The following SLC24A3 variants were observed in gnomAD, a reference collection of about 807,000 sequenced individuals.
SLC24A3 encodes the protein solute carrier family 24 member 3.
SLC24A3 carries 28 observed loss-of-function variants against 75.8 expected under a neutral mutation model. That is an observed-to-expected ratio of 0.37 (90% CI 0.27 to 0.51). The LOEUF (loss-of-function observed/expected upper bound fraction) is 0.51. Ranked by LOEUF, SLC24A3 falls within the 20% of genes least tolerant of loss-of-function variation. The pLI, the probability that SLC24A3 is intolerant of heterozygous loss-of-function variation, is 0.94. For synonymous variants in SLC24A3, 372 were observed against 334.1 expected (o/e 1.11, Z -1.24); for missense variants, 663 against 847.8 (o/e 0.78, Z 2.71).
At chr20:19,706,719 G>A (rs1254968423) in intron 15 of SLC24A3, among the ~76,000 whole-genome samples, 2 of 150,074 alleles carry the variant, frequency 1.3e-5, no homozygotes, top group Non-Finnish European at 3.0e-5. Flanking sequence ...GAGAAGGAGA[G>A]GTACGGTCAT....
intron 2 of SLC24A3, among the ~76,000 whole-genome samples, chr20:19,460,141 G>A (rs541993064): frequency 6.6e-6 from 1 of 152,308 alleles, no homozygotes; most frequent in Admixed American, 6.5e-5. Context: ...CTCTTAGGGA[G>A]GTTTGCCCTC....
In SLC24A3 at chr20:19,580,039, G is replaced by A. The variant is rs2031197173; in HGVS notation, c.388G>A (p.Asp130Asn). 3 of 1,613,820 alleles carry A rather than the reference G, an allele frequency of 1.9e-6. No homozygotes were observed. Among genetic ancestry groups the A allele is most frequent in the Non-Finnish European group, 2.5e-6 (3 of 1,179,880 alleles). The change falls in exon 4 of 17, where the codon GAC becomes AAC. Residue 130 changes from aspartate (D) to asparagine (N), a missense_variant. Around this residue, in one of 2 missense-constraint regions of SLC24A3, gnomAD observed 510 missense variants for 703.6 expected, o/e 0.72. Transcript: ENST00000328041. Reference sequence around the variant, plus strand: ...CTATGCGCTGGCCATTGTGTGTGATGACTTCTTCGTCCCTTCCTTGGAAAA... The same window carrying A: ...CTATGCGCTGGCCATTGTGTGTGATAACTTCTTCGTCCCTTCCTTGGAAAA... ...MFYALAIVCD[D>N]FFVPSLEKIC...
rs370504005 is a variant in SLC24A3, at chr20:19,368,909, G to C, written c.271+87822G>C. Among the ~76,000 whole-genome samples, 9 of 152,262 alleles carry C rather than the reference G, an allele frequency of 5.9e-5. No homozygotes were observed. In the East Asian group the frequency reaches 1.5e-3, roughly 26 times the overall value. On this transcript the variant is annotated intron_variant, in intron 2 of 16. Transcript: ENST00000328041. Reference sequence around the variant, plus strand: ...TCAAAATAAATAATGACAATAACAGGTTATAATCCATAGAGTAAAATAAGA... The same window carrying C: ...TCAAAATAAATAATGACAATAACAGCTTATAATCCATAGAGTAAAATAAGA...
chr20:19,530,040 A>T lies in SLC24A3; in HGVS notation c.348+14476A>T, dbSNP rs55691718. Reference sequence around the variant, plus strand: ...GAAAGGGCTCAGTATGACTAAAGAGATGACTGACTATGTCATTCCCTATAA... The same window carrying T: ...GAAAGGGCTCAGTATGACTAAAGAGTTGACTGACTATGTCATTCCCTATAA... On this transcript the variant is annotated intron_variant, in intron 3 of 16. Coordinates refer to ENST00000328041, the MANE Select transcript of SLC24A3 (RefSeq NM_020689.4). Among the ~76,000 whole-genome samples, 609 of 152,322 alleles carry T rather than the reference A, an allele frequency of 4.0e-3. 3 individuals carry two copies. Among genetic ancestry groups the T allele is most frequent in the Non-Finnish European group, 6.9e-3 (469 of 68,020 alleles).
chr20:19,320,112 G>A (rs1042628113), intron 2 of SLC24A3, among the ~76,000 whole-genome samples: 6 of 152,196 alleles, frequency 3.9e-5, no homozygotes, highest in African/African-American at 1.4e-4. Context: ...CTGGAGCCCA[G>A]TGTGTTTAAA....
At chr20:19,540,990 A>G (rs965993657) in intron 3 of SLC24A3, among the ~76,000 whole-genome samples, 5 of 152,226 alleles carry the variant, frequency 3.3e-5, no homozygotes, top group African/African-American at 1.2e-4. Flanking sequence ...CTTTTTGTGG[A>G]TAACCCCGCA....
intron 6 of SLC24A3, among the ~76,000 whole-genome samples, chr20:19,635,604 A>C (rs953907791): frequency 2.0e-5 from 3 of 152,222 alleles, no homozygotes. Context: ...TTCCACTGGA[A>C]ATACTGGAAT....
At chr20:19,260,315 A>G (rs1368705994) in intron 1 of SLC24A3, among the ~76,000 whole-genome samples, 1 of 152,190 alleles carries the variant, frequency 6.6e-6, no homozygotes, top group Non-Finnish European at 1.5e-5. Context: ...AGTGAGGATA[A>G]CAACACCCAG....
chr20:19,390,755 C>A lies in SLC24A3; in HGVS notation c.271+109668C>A, dbSNP rs1321606076. ...ATGGGAATTTCCAGCATAGGCCTGG[C>A]AGGGAGGCTGCATCTACAGGTATTG... On this transcript the variant is annotated intron_variant, in intron 2 of 16. Transcript: ENST00000328041. 1.3e-3 allele frequency among the ~76,000 whole-genome samples: 197 copies of A among 152,082 alleles called. 2 individuals carry two copies. Among genetic ancestry groups the A allele is most frequent in the Non-Finnish European group, 1.2e-4 (8 of 67,976 alleles).
intron 3 of SLC24A3, among the ~76,000 whole-genome samples, chr20:19,534,265 T>C (rs765367411): frequency 1.3e-5 from 2 of 152,244 alleles, no homozygotes; most frequent in East Asian, 3.9e-4. Flanking sequence ...TTTTATATCC[T>C]GCCTACCTGT....
intron 13 of SLC24A3, among the ~76,000 whole-genome samples, chr20:19,695,852 T>A (rs1218179609): frequency 6.6e-6 from 1 of 152,118 alleles, no homozygotes; most frequent in Non-Finnish European, 1.5e-5. Context: ...AGTGAGAACA[T>A]GTGGAGTTTG....
intron 2 of SLC24A3, among the ~76,000 whole-genome samples, chr20:19,383,799 G>C (rs772829109): frequency 2.6e-5 from 4 of 152,136 alleles, no homozygotes; most frequent in Non-Finnish European, 5.9e-5. Context: ...TCCCCAGATG[G>C]GAGAGGCAAG....
At chr20:19,660,994 C>T (rs747303835) in intron 7 of SLC24A3, among the ~76,000 whole-genome samples, 1 of 152,142 alleles carries the variant, frequency 6.6e-6, no homozygotes, top group Non-Finnish European at 1.5e-5. Context: ...ACTAGGAGGC[C>T]GGTTACACTC....
intron 2 of SLC24A3, among the ~76,000 whole-genome samples, chr20:19,507,110 T>C (rs1988472288): frequency 1.3e-5 from 2 of 152,254 alleles, no homozygotes; most frequent in Admixed American, 1.3e-4. Flanking sequence ...ACACAGATTC[T>C]TTTGTGGATA....
intron 3 of SLC24A3, among the ~76,000 whole-genome samples, chr20:19,526,518 T>C (rs114626880): frequency 0.025 from 3,736 of 152,336 alleles, 96 homozygotes; most frequent in African/African-American, 0.064. Flanking sequence ...GTCCAGAAAG[T>C]GGCCATCTAA....
intron 3 of SLC24A3, among the ~76,000 whole-genome samples, chr20:19,541,812 A>G (rs1247839688): frequency 6.6e-6 from 1 of 152,198 alleles, no homozygotes; most frequent in Non-Finnish European, 1.5e-5. Context: ...GTGTGCGGCT[A>G]TGGGTCCATC....
intron 16 of SLC24A3, among the ~76,000 whole-genome samples, chr20:19,719,473 C>T (rs2033078684): frequency 6.6e-6 from 1 of 151,902 alleles, no homozygotes; most frequent in South Asian, 2.1e-4. Context: ...GTGGAGTTGA[C>T]CTCACTGCCA....
At chr20:19,611,463 A>T (rs1177568563) in intron 6 of SLC24A3, among the ~76,000 whole-genome samples, 1 of 152,114 alleles carries the variant, frequency 6.6e-6, no homozygotes, top group Non-Finnish European at 1.5e-5. Context: ...CCCATACATG[A>T]TTGTCTTCAT....
At chr20:19,235,515 C>T (rs1982139604) in intron 1 of SLC24A3, among the ~76,000 whole-genome samples, 2 of 152,184 alleles carry the variant, frequency 1.3e-5, no homozygotes, top group Admixed American at 6.5e-5. Flanking sequence ...GTGTCTTCAT[C>T]AGAGCAGCGT....
Sources: allele counts gnomAD v4.1 joint callset (sites outside exome capture counted in the v4.1 genomes callset), GRCh38; gene constraint gnomAD v4.1.1; regional missense constraint gnomAD v4.1.1; transcripts MANE v1.5; gene names NCBI Gene and HGNC (gene_info 2026-07-23, HGNC 2026-07-21).